The following TSPAN15 variants were observed in gnomAD, a reference collection of about 807,000 sequenced individuals.
The protein encoded by TSPAN15 is tetraspanin 15.
In TSPAN15, 20 loss-of-function variants were observed where a neutral mutation model predicts 34.5. The ratio of observed to expected loss-of-function variants is 0.58; its 90% CI spans 0.41 to 0.84. TSPAN15 has a LOEUF of 0.84. Among genes scored for constraint, TSPAN15 ranks in the 40% least tolerant of loss-of-function variants. The pLI is 0.00. For synonymous variants in TSPAN15, 155 were observed against 153.9 expected (o/e 1.01, Z -0.05); for missense variants, 313 against 386.1 (o/e 0.81, Z 1.59).
chr10:69,502,110 T>C (rs1438611861), intron 5 of TSPAN15, among the ~76,000 whole-genome samples: 4 of 152,258 alleles, frequency 2.6e-5, no homozygotes, highest in Admixed American at 2.6e-4. Flanking sequence ...TGTTACATTG[T>C]TACTGTTCAG....
At chr10:69,528,187 G>A in the TSPAN15 span, among the ~76,000 whole-genome samples, 4 of 148,390 alleles carry the variant, frequency 2.7e-5, no homozygotes, top group Non-Finnish European at 4.5e-5. Context: ...CGCGGGGCAG[G>A]CAGCTTCAGG....
the TSPAN15 span, among the ~76,000 whole-genome samples, chr10:69,539,263 G>A: frequency 1.3e-5 from 2 of 151,674 alleles, no homozygotes; most frequent in African/African-American, 4.8e-5. Context: ...GGGTGGGAGG[G>A]GAGTGAGGGA....
chr10:69,502,576 TG>T (rs113482433), intron 5 of TSPAN15, among the ~76,000 whole-genome samples: 14,635 of 152,262 alleles, frequency 0.096, 841 homozygotes, highest in South Asian at 0.13. Context: ...ACCCTGGTCT[TG>T]GGGCCTGTGA....
rs563648862 is a variant in TSPAN15, at chr10:69,451,551, G to A, written c.-44G>A. 1.3e-3 allele frequency: 1,812 copies of A among 1,353,358 alleles called. 3 individuals are homozygous for A. The highest frequency in any genetic ancestry group is 1.8e-3 in the Admixed American group (50 of 28,360). The allele number at this position is 1,353,358 out of a possible 1,614,324, so 83.8% of individuals were successfully genotyped here. On this transcript the variant is annotated 5_prime_UTR_variant, in exon 1 of 8. Coordinates refer to ENST00000373290, the MANE Select transcript of TSPAN15 (RefSeq NM_012339.5). ...CGAGCGCTGGCTGAGGGACCGAGCCGGAGAGCCCCGGAGCCCCCGTAACCC... is the reference window on the plus strand; with the variant it reads ...CGAGCGCTGGCTGAGGGACCGAGCCAGAGAGCCCCGGAGCCCCCGTAACCC...
intron 1 of TSPAN15, among the ~76,000 whole-genome samples, chr10:69,469,931 C>T (rs573855874): frequency 6.6e-6 from 1 of 152,166 alleles, no homozygotes; most frequent in South Asian, 2.1e-4. Flanking sequence ...TTGTACGACA[C>T]CCAGCTGGTC....
chr10:69,525,694 G>A, the TSPAN15 span, among the ~76,000 whole-genome samples: 2,274 of 146,068 alleles, frequency 0.016, 173 homozygotes, highest in Non-Finnish European at 0.023. Flanking sequence ...GGTGGTGTGC[G>A]CCTGTAATCC....
intron 3 of TSPAN15, 40 bp from the exon 4 acceptor site, chr10:69,495,554 T>C: frequency 1.4e-6 from 2 of 1,468,580 alleles, no homozygotes; most frequent in Non-Finnish European, 1.9e-6. Context: ...ACTCCGGGAG[T>C]GTGTGGTTCT....
intron 3 of TSPAN15, chr10:69,495,335 A>C (rs1589649017): frequency 2.3e-6 from 1 of 432,308 alleles, no homozygotes; most frequent in African/African-American, 2.0e-5. Flanking sequence ...TCTGGTCTGC[A>C]AAGGGAGTGG....
Position 69,451,528 on chromosome 10 carries a change from A to G in TSPAN15, c.-67A>G. ...CCCGGCAGCCGCAGGTGGGGCCACG[A>G]GCGCTGGCTGAGGGACCGAGCCGGA... On this transcript the variant is annotated 5_prime_UTR_variant, in exon 1 of 8. Transcript: ENST00000373290. The G allele has an allele frequency of 5.4e-6, 7 of 1,295,592 alleles. No individual in the cohort carries two copies. Among genetic ancestry groups the G allele is most frequent in the Non-Finnish European group, 6.9e-6 (7 of 1,019,456 alleles). The allele number at this position is 1,295,592 out of a possible 1,614,324, so 80.3% of individuals were successfully genotyped here.
intron 1 of TSPAN15, among the ~76,000 whole-genome samples, chr10:69,483,006 T>C (rs1246523821): frequency 6.6e-6 from 1 of 152,132 alleles, no homozygotes; most frequent in Non-Finnish European, 1.5e-5. Flanking sequence ...TTTTGTTTTT[T>C]GAGACCGAGT....
chr10:69,547,890 G>A, the TSPAN15 span, among the ~76,000 whole-genome samples: 1 of 152,176 alleles, frequency 6.6e-6, no homozygotes, highest in Non-Finnish European at 1.5e-5. Context: ...CCAGCCTAGT[G>A]ATGCCCCTGG....
At chr10:69,547,187 G>A in the TSPAN15 span, among the ~76,000 whole-genome samples, 3 of 151,940 alleles carry the variant, frequency 2.0e-5, no homozygotes, top group Admixed American at 6.5e-5. Flanking sequence ...GGGCAACAGA[G>A]TGAGACTCCA....
At position 69,498,416 on chromosome 10, in the gene TSPAN15, G is replaced by A. The variant is rs1842134747; in HGVS notation, c.570+20G>A. ...AACACGGTAGACACTGCTCCTGTGG[G>A]GACTGGGGGGCTGTCGGGGACCCCA... On this transcript the variant is annotated intron_variant, in intron 5 of 7. Coordinates refer to ENST00000373290, the MANE Select transcript of TSPAN15 (RefSeq NM_012339.5). The A allele has an allele frequency of 6.2e-7, 1 of 1,601,116 alleles. No individual in the cohort carries two copies.
chr10:69,459,446 C>T (rs565774918), intron 1 of TSPAN15, among the ~76,000 whole-genome samples: 191 of 152,134 alleles, frequency 1.3e-3, no homozygotes, highest in African/African-American at 3.6e-3. Context: ...TTTCCACTTT[C>T]GATGATGTGG....
At position 69,460,726 on chromosome 10, in the gene TSPAN15, A is replaced by G. The variant is rs527639574; in HGVS notation, c.96+9036A>G. ...TGGACAGGGGGTCTTGTCCTGTTTTACAGAGGAGTCTTTGGGAGGACTCTG... is the reference window on the plus strand; with the variant it reads ...TGGACAGGGGGTCTTGTCCTGTTTTGCAGAGGAGTCTTTGGGAGGACTCTG... On this transcript the variant is annotated intron_variant, in intron 1 of 7. Transcript: ENST00000373290. Among the ~76,000 whole-genome samples the G allele has an allele frequency of 3.9e-5, 6 of 152,154 alleles. No homozygotes were observed. In the South Asian group the frequency reaches 1.2e-3, roughly 32 times the overall value.
At chr10:69,457,962 A>G (rs1258052699) in intron 1 of TSPAN15, among the ~76,000 whole-genome samples, 2 of 152,186 alleles carry the variant, frequency 1.3e-5, no homozygotes, top group Non-Finnish European at 2.9e-5. Context: ...GCTGTTAAAG[A>G]CACCTCTAGT....
At chr10:69,497,863 G>C (rs894945134) in intron 4 of TSPAN15, among the ~76,000 whole-genome samples, 1 of 152,206 alleles carries the variant, frequency 6.6e-6, no homozygotes, top group African/African-American at 2.4e-5. Flanking sequence ...GGCTCCTAGG[G>C]TGGGTGCGAA....
chr10:69,542,035 C>T, the TSPAN15 span, among the ~76,000 whole-genome samples: 2 of 152,194 alleles, frequency 1.3e-5, no homozygotes, highest in African/African-American at 2.4e-5. Flanking sequence ...TCTTTTCTAT[C>T]GCATTGCCAG....
At chr10:69,533,932 C>A in the TSPAN15 span, among the ~76,000 whole-genome samples, 1 of 152,148 alleles carries the variant, frequency 6.6e-6, no homozygotes, top group East Asian at 1.9e-4. Context: ...TCTGGAAAAA[C>A]CCACAGACAT....
Sources: gnomAD v4.1 joint callset for allele counts (sites outside exome capture counted in the v4.1 genomes callset) on GRCh38, gnomAD v4.1.1 for gene constraint, MANE v1.5 for transcripts, NCBI Gene and HGNC (gene_info 2026-07-23, HGNC 2026-07-21) for gene names.